The following GPRC6A variants were observed in gnomAD, a reference collection of about 807,000 sequenced individuals.
The protein encoded by GPRC6A is G protein-coupled receptor class C group 6 member A, also known as G protein-coupled receptor family C group 6 member A.
GPRC6A carries 54 observed loss-of-function variants against 47.0 expected under a neutral mutation model. That is an observed-to-expected ratio of 1.15 (90% CI 0.92 to 1.44). The LOEUF (loss-of-function observed/expected upper bound fraction) is 1.44. Ranked by LOEUF, GPRC6A falls within the 40% of genes most tolerant of loss-of-function variation. The pLI is 0.00. For synonymous variants in GPRC6A, 347 were observed against 377.1 expected, an observed-to-expected ratio of 0.92 and a Z score of 0.93; for missense variants, 1,112 against 1,105.5, an observed-to-expected ratio of 1.01 and a Z score of -0.08.
intron 3 of GPRC6A, 78 bp from the exon 4 acceptor site, chr6:116,800,874 CT>C: frequency 1.2e-6 from 1 of 816,196 alleles, no homozygotes; most frequent in Non-Finnish European, 2.0e-6. Flanking sequence ...ATAACACTGC[CT>C]TATAAAGCAT....
At position 116,792,723 on chromosome 6, in the gene GPRC6A, C is replaced by T. The variant is rs756342207; in HGVS notation, c.2200G>A (p.Val734Ile). 1.9e-6 allele frequency: 3 copies of T among 1,613,258 alleles called. No homozygotes were observed. Among genetic ancestry groups the T allele is most frequent in the South Asian group, 1.1e-5 (1 of 91,042 alleles). ...AGGATGATGACTCTGGGCAAGGAGA[C>T]ATTCACCTCTACAGTAGGTGCTGCA... ...IFAAPTVEVN[V>I]SLPRVIILEC... Residue 734 changes from valine (V) to isoleucine (I), a missense_variant, in exon 6 of 6, where the codon GTC becomes ATC. Coordinates refer to ENST00000310357, the MANE Select transcript of GPRC6A (RefSeq NM_148963.4).
chr6:116,808,431 C>A (rs948328661), intron 2 of GPRC6A, among the ~76,000 whole-genome samples: 3 of 152,074 alleles, frequency 2.0e-5, no homozygotes, highest in African/African-American at 7.2e-5. Context: ...AAAGCCTTAT[C>A]TTTGATGTAT....
At chr6:116,805,650 C>T (rs750707610) in intron 3 of GPRC6A, among the ~76,000 whole-genome samples, 3 of 151,854 alleles carry the variant, frequency 2.0e-5, no homozygotes, top group Non-Finnish European at 4.4e-5. Context: ...TAAATTAAAG[C>T]CATATTAAAT....
intron 1 of GPRC6A, among the ~76,000 whole-genome samples, chr6:116,823,944 G>C (rs1191486937): frequency 1.3e-5 from 2 of 152,024 alleles, no homozygotes; most frequent in Non-Finnish European, 1.5e-5. Flanking sequence ...GGGGGATGGT[G>C]CTAAGCCATT....
At chr6:116,825,791 C>T (rs1773658888) in intron 1 of GPRC6A, among the ~76,000 whole-genome samples, 1 of 151,810 alleles carries the variant, frequency 6.6e-6, no homozygotes, top group South Asian at 2.1e-4. Context: ...CATCAAACTA[C>T]CTGACAAAAT....
intron 1 of GPRC6A, among the ~76,000 whole-genome samples, chr6:116,815,896 G>C (rs1773189206): frequency 6.6e-6 from 1 of 152,208 alleles, no homozygotes; most frequent in African/African-American, 2.4e-5. Context: ...AATTTGTAAA[G>C]AAAAGAGGTT....
chr6:116,822,927 C>A (rs915995353), intron 1 of GPRC6A, among the ~76,000 whole-genome samples: 6 of 146,070 alleles, frequency 4.1e-5, no homozygotes, highest in South Asian at 2.2e-4. Context: ...AGAAAGAAAT[C>A]ATTCTTCCCT....
At chr6:116,812,771 G>A (rs1026265753) in intron 1 of GPRC6A, among the ~76,000 whole-genome samples, 2 of 152,154 alleles carry the variant, frequency 1.3e-5, no homozygotes, top group Non-Finnish European at 2.9e-5. Context: ...AATCAGGCAA[G>A]ATAAAGAAAT....
At position 116,799,054 on chromosome 6, in the gene GPRC6A, G is replaced by A. The variant is rs151158804; in HGVS notation, c.1548+1530C>T. On this transcript the variant is annotated intron_variant, in intron 4 of 5. Coordinates refer to ENST00000310357, the MANE Select transcript of GPRC6A (RefSeq NM_148963.4). ...AACTCATTGGTTATGGAGTGTGACC[G>A]AAAGAGAGGTGACAAGAATCCCAGC... 9.5e-4 allele frequency among the ~76,000 whole-genome samples: 144 copies of A among 152,182 alleles called. 1 individual carries two copies. Among genetic ancestry groups the A allele is most frequent in the African/African-American group, 3.2e-3 (134 of 41,514 alleles).
chr6:116,828,677 T>G, intron 1 of GPRC6A, 143 bp downstream of exon 1: 1 of 633,642 alleles, frequency 1.6e-6, no homozygotes, highest in Non-Finnish European at 2.5e-6. Flanking sequence ...AAAGAAGGAT[T>G]GCAAGATTAA....
At chr6:116,826,577 A>ATCTCTCTTCT (rs1773685834) in intron 1 of GPRC6A, among the ~76,000 whole-genome samples, 4 of 151,836 alleles carry the variant, frequency 2.6e-5, no homozygotes, top group African/African-American at 9.7e-5. Context: ...GAGATGCAGA[A>ATCTCTCTTCT]GAGGGAACTC....
At chr6:116,814,753 T>C (rs1245898944) in intron 1 of GPRC6A, among the ~76,000 whole-genome samples, 1 of 151,028 alleles carries the variant, frequency 6.6e-6, no homozygotes, top group East Asian at 1.9e-4. Flanking sequence ...AAAGTATAAT[T>C]TAAAAAAAGA....
chr6:116,821,786 G>A (rs2114620854), intron 1 of GPRC6A, among the ~76,000 whole-genome samples: 1 of 151,602 alleles, frequency 6.6e-6, no homozygotes, highest in East Asian at 1.9e-4. Flanking sequence ...TTACCATTCA[G>A]GACATAGGCA....
In GPRC6A at chr6:116,801,753, G is replaced by A. The variant is rs74386875; in HGVS notation, c.1336-957C>T. ...ATGAGAAATGTTACTTTAGCAGAAT[G>A]TCTACGTGTGTGTATTTATGTCCCC... On this transcript the variant is annotated intron_variant, in intron 3 of 5. Transcript: ENST00000310357. Among the ~76,000 whole-genome samples, 478 of 152,240 alleles carry A rather than the reference G, an allele frequency of 3.1e-3. 2 individuals carry two copies. The highest frequency in any genetic ancestry group is 0.011 in the African/African-American group (439 of 41,546).
At chr6:116,796,867 A>C (rs1772503890) in intron 4 of GPRC6A, among the ~76,000 whole-genome samples, 1 of 152,130 alleles carries the variant, frequency 6.6e-6, no homozygotes, top group African/African-American at 2.4e-5. Flanking sequence ...CAGAGGACAC[A>C]AAAGGATTTT....
chr6:116,795,716 C>T lies in GPRC6A; in HGVS notation c.1668G>A (p.Gln556=), dbSNP rs1562478098. ...QNCPENHYTN[Q]TDMPHCLLCN... ...ATGTGGAGTGACTGTGATTACCTGT[C>T]TGATTAGTGTAATGATTTTCAGGAC... is the stretch of plus-strand genomic sequence containing the variant. The change falls in exon 5 of 6, where the codon CAG becomes CAA. Residue 556 remains glutamine (Q), a synonymous_variant. Coordinates refer to ENST00000310357, the MANE Select transcript of GPRC6A (RefSeq NM_148963.4). 6.2e-7 allele frequency: 1 copy of T among 1,607,918 alleles called. No homozygotes were observed. The highest frequency in any genetic ancestry group is 1.3e-5 in the African/African-American group (1 of 74,822).
Position 116,806,378 on chromosome 6 carries a change from G to T in GPRC6A, c.1327C>A (p.Pro443Thr), listed in dbSNP as rs140379054. 9 of 1,602,308 alleles carry T rather than the reference G, an allele frequency of 5.6e-6. No homozygotes were observed. The highest frequency in any genetic ancestry group is 3.4e-5 in the Admixed American group (2 of 59,486). ...GATGTGTGAGTTAGTACCTCCCATG[G>T]TTGAAAGGCGTTGGGGTTCTGACAG... ...RDCQNPNAFQ[P>T]WELLGVLKNV... Residue 443 changes from proline (P) to threonine (T), a missense_variant, in exon 3 of 6, where the codon CCA becomes ACA. Transcript: ENST00000310357.
chr6:116,818,085 T>C (rs1038905888), intron 1 of GPRC6A, among the ~76,000 whole-genome samples: 2 of 152,120 alleles, frequency 1.3e-5, no homozygotes, highest in Non-Finnish European at 2.9e-5. Flanking sequence ...ATTGTCAGAT[T>C]CACCAAAGTT....
chr6:116,799,431 T>TA (rs1772591987), intron 4 of GPRC6A, among the ~76,000 whole-genome samples: 2 of 152,092 alleles, frequency 1.3e-5, no homozygotes, highest in African/African-American at 4.8e-5. Context: ...AGTGGCAAGA[T>TA]ACACAGGAAG....
Sources: gnomAD v4.1 joint callset for allele counts (sites outside exome capture counted in the v4.1 genomes callset) on GRCh38, gnomAD v4.1.1 for gene constraint, MANE v1.5 for transcripts, NCBI Gene and HGNC (gene_info 2026-07-23, HGNC 2026-07-21) for gene names.